The following GALK1 variants were observed in gnomAD, a reference collection of about 807,000 sequenced individuals.
GALK1 encodes galactokinase.
In GALK1, 30 loss-of-function variants were observed where a neutral mutation model predicts 38.6. That is an observed-to-expected ratio of 0.78 (90% CI 0.58 to 1.05). The LOEUF is 1.05. Among genes scored for constraint, GALK1 ranks in the 50% least tolerant of loss-of-function variants. GALK1 has a pLI of 0.00. For missense variants in GALK1, 512 were observed against 540.5 expected (o/e 0.95, Z 0.52); for synonymous variants, 240 against 233.6 (o/e 1.03, Z -0.25).
chr17:75,762,384 T>G (rs892240124), intron 5 of GALK1, among the ~76,000 whole-genome samples: 2 of 152,132 alleles, frequency 1.3e-5, no homozygotes, highest in African/African-American at 4.8e-5. Flanking sequence ...AAGACAGATG[T>G]GGAAAAATAC....
At chr17:75,754,913 C>T (rs1414159063), downstream of GALK1, 4 of 1,572,246 alleles carry the variant, frequency 2.5e-6, no homozygotes, top group Non-Finnish European at 3.5e-6. Context: ...ACCGCCCATT[C>T]TCCAACATAC....
At chr17:75,755,489 C>G (rs1317614263), downstream of GALK1, among the ~76,000 whole-genome samples, 1 of 152,180 alleles carries the variant, frequency 6.6e-6, no homozygotes, top group Non-Finnish European at 1.5e-5. Flanking sequence ...GGGGCTCACT[C>G]TCTTTTGGCA....
At chr17:75,763,556 G>T (rs1397903426) in intron 2 of GALK1, 117 bp from the exon 3 acceptor site, 17 of 1,184,254 alleles carry the variant, frequency 1.4e-5, no homozygotes, top group Admixed American at 8.1e-5. Context: ...TAGGGTGTGT[G>T]TCTCAATTGT....
Position 75,762,725 on chromosome 17 carries a change from C to T in GALK1, c.772G>A (p.Val258Ile). ...RALGKESLRE[V>I]QLEELEAARD... ...TCACCCTCTAGCTCTTCCAGTTGTA[C>T]CTCCCGGAGGCTTTCCTTGCCCAGC... The change falls in exon 5 of 8, where the codon GTA (valine) becomes ATA (isoleucine). Residue 258 changes from valine to isoleucine, a missense_variant. Val to Ile is a conservative substitution (Grantham distance 29). Transcript: ENST00000588479. The T allele has an allele frequency of 6.2e-7, 1 of 1,613,872 alleles. No homozygotes were observed. Among genetic ancestry groups the T allele is most frequent in the East Asian group, 2.2e-5 (1 of 44,878 alleles).
At chr17:75,753,925 C>T (rs1027065550), downstream of GALK1, 9 of 1,284,742 alleles carry the variant, frequency 7.0e-6, no homozygotes, top group Non-Finnish European at 8.8e-6. Flanking sequence ...GCGGCGCGGG[C>T]GGGAAGGGCG....
chr17:75,765,096 G>T lies in GALK1; in HGVS notation c.41C>A (p.Ala14Asp), dbSNP rs2061605368. The T allele has an allele frequency of 6.3e-7, 1 of 1,590,784 alleles. No individual in the cohort carries two copies. Among genetic ancestry groups the T allele is most frequent in the Non-Finnish European group, 8.5e-7 (1 of 1,169,916 alleles). The change falls in exon 1 of 8, where the codon GCC becomes GAC. Residue 14 changes from alanine (A) to aspartate (D), a missense_variant. Ala to Asp is a moderately radical substitution (Grantham distance 126). Transcript: ENST00000588479. The stretch of plus-strand genomic sequence containing the variant: ...CTCCCGGAAGGCTCGCCGGGCCTCG[G>T]CCAGCAGCTCCGCGACCTGGGGCTG... ...LRQPQVAELL[A>D]EARRAFREEF...
chr17:75,756,979 C>T (rs747394709), downstream of GALK1: 30 of 1,612,682 alleles, frequency 1.9e-5, no homozygotes, highest in South Asian at 5.5e-5. Context: ...GGAGACAGCC[C>T]CGAGAGCCGG....
rs748010194 is a variant in GALK1, at chr17:75,758,278, C to A, written c.1039G>T (p.Gly347Cys). The change falls in exon 7 of 8, where the codon GGC (glycine) becomes TGC (cysteine). Residue 347 changes from glycine (G) to cysteine (C), a missense_variant. Gly to Cys is a radical substitution (Grantham distance 159). Coordinates refer to ENST00000588479, the MANE Select transcript of GALK1 (RefSeq NM_000154.2). Reference protein sequence around the residue: ...GVYGSRMTGGGFGGCTVTLLE... With the variant: ...GVYGSRMTGGCFGGCTVTLLE... ...AGTGTCACCGTGCAGCCACCGAAGC[C>A]ACCGCCCGTCATGCGGCTGCCATAA... is the stretch of plus-strand genomic sequence containing the variant. 1 of 1,592,394 alleles carries A rather than the reference C, an allele frequency of 6.3e-7. No individual in the cohort carries two copies. The highest frequency in any genetic ancestry group is 1.1e-5 in the South Asian group (1 of 88,566).
rs2143601737 is a variant in GALK1, at chr17:75,762,820, T to C, written c.677A>G (p.Asn226Ser). 1 of 1,613,532 alleles carries C rather than the reference T, an allele frequency of 6.2e-7. No individual in the cohort carries two copies. The highest frequency in any genetic ancestry group is 2.2e-5 in the East Asian group (1 of 44,862). ...PKLAVLITNS[N>S]VRHSLASSEY... ...GCTGGAGGCCAGGGAGTGGCGGACA[T>C]TAGAGTTGGTGATGAGCACGGCCAG... The change falls in exon 5 of 8, where the codon AAT becomes AGT. Residue 226 changes from asparagine to serine, a missense_variant. Coordinates refer to ENST00000588479, the MANE Select transcript of GALK1 (RefSeq NM_000154.2).
intron 5 of GALK1, among the ~76,000 whole-genome samples, chr17:75,762,331 G>T (rs1359766028): frequency 1.3e-5 from 2 of 150,508 alleles, no homozygotes; most frequent in Non-Finnish European, 1.5e-5. Context: ...AAAAAAGGGG[G>T]TGGGGGGGGA....
In GALK1 at chr17:75,758,449, C is replaced by G; in HGVS notation, c.944G>C (p.Arg315Thr). Residue 315 changes from arginine to threonine, a missense_variant and splice_region_variant, in exon 6 of 8, where the codon AGA becomes ACA. Coordinates refer to ENST00000588479, the MANE Select transcript of GALK1 (RefSeq NM_000154.2). ...RLMVESHRSL[R>T]DDYEVSCPEL... is the part of the protein sequence containing the mutation. Reference sequence around the variant, plus strand: ...GAGCGGGGCGCCCAGAGGGCCTCACCTGAGTGAGCGGTGGCTCTCCACCAT... The same window carrying G: ...GAGCGGGGCGCCCAGAGGGCCTCACGTGAGTGAGCGGTGGCTCTCCACCAT... 1 of 1,574,718 alleles carries G rather than the reference C, an allele frequency of 6.4e-7. No individual in the cohort carries two copies. Among genetic ancestry groups the G allele is most frequent in the Non-Finnish European group, 8.6e-7 (1 of 1,161,224 alleles).
At chr17:75,762,937 G>A in intron 4 of GALK1, 52 bp from the exon 5 acceptor site, 1 of 1,530,610 alleles carries the variant, frequency 6.5e-7, no homozygotes. Context: ...TGTGCTTGCT[G>A]CGCCAGGCAG....
intron 8 of GALK1, chr17:75,752,188 A>G (rs768130647): frequency 1.9e-6 from 3 of 1,613,998 alleles, no homozygotes; most frequent in South Asian, 1.1e-5. Flanking sequence ...TATTGGGCCC[A>G]TGAAGAAAGT....
rs774490771 is a variant in GALK1, at chr17:75,763,158, C to T, written c.476-9G>A. On this transcript the variant is annotated splice_polypyrimidine_tract_variant and intron_variant, in intron 3 of 7. Transcript: ENST00000588479. The stretch of plus-strand genomic sequence containing the variant: ...AGCTATTGTGCCCGAGTCTGCAGTA[C>T]AGGGTGAGGTGGGGAGGCTAGGGCT... 2.5e-6 allele frequency: 4 copies of T among 1,611,362 alleles called. No homozygotes were observed. The highest frequency in any genetic ancestry group is 3.4e-6 in the Non-Finnish European group (4 of 1,179,802).
At chr17:75,756,549 G>A (rs886053417), downstream of GALK1, 3 of 1,613,202 alleles carry the variant, frequency 1.9e-6, no homozygotes, top group Non-Finnish European at 2.5e-6. Context: ...GGCTGGGGCC[G>A]AGAGCGTGAG....
Position 75,765,174 on chromosome 17 carries a change from A to G in GALK1, c.-38T>C. The G allele has an allele frequency of 7.1e-7, 1 of 1,411,934 alleles. No homozygotes were observed. The highest frequency in any genetic ancestry group is 9.2e-7 in the Non-Finnish European group (1 of 1,087,232). 87.5% of individuals were successfully genotyped at this position (1,411,934 alleles called of 1,614,324 possible). ...CAGCTCTGCACAGCTGCTCCGGCAC[A>G]GCCCCGTCGGCGCGGGATGCTCGGG... On this transcript the variant is annotated 5_prime_UTR_variant, in exon 1 of 8. Transcript: ENST00000588479.
rs1171981605 is a variant in GALK1 at position 75,757,916 on chromosome 17, C to T, written c.*140G>A. The T allele has an allele frequency of 2.1e-6, 2 of 971,556 alleles. No individual in the cohort carries two copies. The highest frequency in any genetic ancestry group is 1.4e-5 in the South Asian group (1 of 69,582). The allele number at this position is 971,556 out of a possible 1,614,324, so 60.2% of individuals were successfully genotyped here. On this transcript the variant is annotated 3_prime_UTR_variant, in exon 8 of 8. Coordinates refer to ENST00000588479, the MANE Select transcript of GALK1 (RefSeq NM_000154.2). ...CCATTCTCTGACACCCAAGCATACA[C>T]CCACCTCTAGAGGAGGCAGGTACCA... is the stretch of plus-strand genomic sequence containing the variant.
chr17:75,764,311 G>A (rs768817351), intron 1 of GALK1: 18 of 750,870 alleles, frequency 2.4e-5, no homozygotes, highest in Non-Finnish European at 4.4e-5. Context: ...GCACAGACCT[G>A]GACTCTGCCC....
chr17:75,754,398 C>T, downstream of GALK1: 1 of 703,426 alleles, frequency 1.4e-6, no homozygotes, highest in Non-Finnish European at 2.4e-6. Flanking sequence ...GCCTGGGTGG[C>T]CCTTGGGCTC....
Sources: allele counts gnomAD v4.1 joint callset (sites outside exome capture counted in the v4.1 genomes callset), GRCh38; gene constraint gnomAD v4.1.1; transcripts MANE v1.5; gene names NCBI Gene and HGNC (gene_info 2026-07-23, HGNC 2026-07-21).